Variants in KIAA0513 observed in about 807,000 individuals in gnomAD.
The protein encoded by KIAA0513 is uncharacterized protein KIAA0513.
In KIAA0513, 39 loss-of-function variants were observed where a neutral mutation model predicts 56.5. That is an observed-to-expected ratio of 0.69 (90% CI 0.53 to 0.90). The LOEUF is 0.90. Ranked by LOEUF, KIAA0513 falls within the 40% of genes least tolerant of loss-of-function variation. The pLI, the probability that KIAA0513 is intolerant of heterozygous loss-of-function variation, is 0.00. For synonymous variants in KIAA0513, 268 were observed against 215.6 expected, an observed-to-expected ratio of 1.24 and a Z score of -2.13; for missense variants, 591 against 535.2, an observed-to-expected ratio of 1.10 and a Z score of -1.03.
At position 85,088,272 on chromosome 16, in the gene KIAA0513, C is replaced by T. The variant is rs762766264; in HGVS notation, c.1187-4C>T. The T allele has an allele frequency of 1.2e-6, 2 of 1,612,350 alleles. No homozygotes were observed. The highest frequency in any genetic ancestry group is 8.5e-7 in the Non-Finnish European group (1 of 1,179,512). ...CTGAGAAATAACATCACTTTCTCTT[C>T]CAGAGCAATACAAGCTGCTTAGTGA... On this transcript the variant is annotated splice_polypyrimidine_tract_variant and splice_region_variant and intron_variant, in intron 12 of 12. Coordinates refer to ENST00000683363, the MANE Select transcript of KIAA0513 (RefSeq NM_001388359.1).
chr16:85,063,890 A>G (rs2073441306), intron 1 of KIAA0513, among the ~76,000 whole-genome samples: 1 of 152,066 alleles, frequency 6.6e-6, no homozygotes, highest in Non-Finnish European at 1.5e-5. Context: ...TGGCTGACCG[A>G]AGAATATTCT....
intron 1 of KIAA0513, among the ~76,000 whole-genome samples, chr16:85,059,769 A>C (rs2073378318): frequency 6.6e-6 from 1 of 152,212 alleles, no homozygotes; most frequent in Non-Finnish European, 1.5e-5. Flanking sequence ...GAAGATCTTC[A>C]GCTTCGCCCT....
chr16:85,087,232 C>T (rs939448209), intron 12 of KIAA0513, 66 bp downstream of exon 12: 28 of 1,312,540 alleles, frequency 2.1e-5, no homozygotes, highest in Middle Eastern at 1.8e-4. Flanking sequence ...GTGCTGTGCC[C>T]GCTGGCGCTT....
chr16:85,075,989 C>A (rs1436856219), intron 5 of KIAA0513, 75 bp downstream of exon 5: 14 of 1,234,224 alleles, frequency 1.1e-5, no homozygotes, highest in Admixed American at 3.4e-5. Flanking sequence ...AGGAAGCTTT[C>A]TTCATGATAA....
chr16:85,067,663 C>CA (rs1321980841), intron 2 of KIAA0513, among the ~76,000 whole-genome samples: 5 of 152,176 alleles, frequency 3.3e-5, no homozygotes, highest in Admixed American at 6.5e-5. Flanking sequence ...GGCCCAGCAT[C>CA]AAAGTATGTG....
rs1011673799 is a variant in KIAA0513, at chr16:85,076,539, C to T, written c.574+625C>T. 4.6e-5 allele frequency among the ~76,000 whole-genome samples: 7 copies of T among 152,296 alleles called. No individual in the cohort carries two copies. The highest frequency in any genetic ancestry group is 2.1e-4 in the South Asian group (1 of 4,832). ...GGTGGGAGGTTGCTGGAAGCCTCCT[C>T]GTGGACTGGAGCTAGGTCAGGGAGG... is the stretch of plus-strand genomic sequence containing the variant. On this transcript the variant is annotated intron_variant, in intron 5 of 12. Coordinates refer to ENST00000683363, the MANE Select transcript of KIAA0513 (RefSeq NM_001388359.1). The surrounding 1 kb of genome is among the most constrained non-coding windows in gnomAD (Gnocchi z 4.7).
intron 1 of KIAA0513, among the ~76,000 whole-genome samples, chr16:85,028,093 G>C (rs900411684): frequency 2.6e-5 from 4 of 152,164 alleles, no homozygotes; most frequent in African/African-American, 9.6e-5. Context: ...GAGGCAAAGG[G>C]AATAGGGGAA....
chr16:85,069,179 C>T (rs2073534789), intron 2 of KIAA0513, among the ~76,000 whole-genome samples: 1 of 151,846 alleles, frequency 6.6e-6, no homozygotes, highest in African/African-American at 2.4e-5. Context: ...TATAGGTACA[C>T]ACCACCATGC....
intron 1 of KIAA0513, among the ~76,000 whole-genome samples, chr16:85,028,775 A>G (rs941718645): frequency 6.6e-6 from 1 of 152,168 alleles, no homozygotes. Context: ...CCCAGCCTCC[A>G]GATTGAGCAG....
chr16:85,079,938 A>C (rs1382402860), intron 8 of KIAA0513, among the ~76,000 whole-genome samples: 1 of 152,162 alleles, frequency 6.6e-6, no homozygotes, highest in Non-Finnish European at 1.5e-5. Flanking sequence ...ATCTCTCTGA[A>C]GCCTCTCCTC....
intron 10 of KIAA0513, among the ~76,000 whole-genome samples, chr16:85,085,994 A>AT (rs1243195232): frequency 1.3e-5 from 2 of 152,110 alleles, no homozygotes; most frequent in Non-Finnish European, 2.9e-5. Flanking sequence ...TTATTTAGGG[A>AT]GGGGACTAGA....
At chr16:85,053,849 G>A (rs1352362786) in intron 1 of KIAA0513, among the ~76,000 whole-genome samples, 1 of 152,106 alleles carries the variant, frequency 6.6e-6, no homozygotes, top group Non-Finnish European at 1.5e-5. Context: ...AAAATTAGCT[G>A]GGCATGGTGG....
At chr16:85,074,546 T>A (rs1277193224) in intron 4 of KIAA0513, among the ~76,000 whole-genome samples, 2 of 152,164 alleles carry the variant, frequency 1.3e-5, no homozygotes, top group Non-Finnish European at 2.9e-5. Context: ...CTCTTTGAAC[T>A]TGGGCATATA....
intron 1 of KIAA0513, among the ~76,000 whole-genome samples, chr16:85,046,763 T>C (rs976100901): frequency 2.0e-5 from 3 of 152,226 alleles, no homozygotes; most frequent in Non-Finnish European, 4.4e-5. Flanking sequence ...TTACTGTATG[T>C]TTAGTTCGAA....
At chr16:85,083,027 C>T (rs192417503) in intron 10 of KIAA0513, among the ~76,000 whole-genome samples, 17 of 152,346 alleles carry the variant, frequency 1.1e-4, no homozygotes, top group Middle Eastern at 6.8e-3. Flanking sequence ...AAGTGGGTCC[C>T]GGCTCATCTG....
intron 1 of KIAA0513, among the ~76,000 whole-genome samples, chr16:85,042,442 C>T (rs980826405): frequency 6.6e-6 from 1 of 152,120 alleles, no homozygotes; most frequent in African/African-American, 2.4e-5. Flanking sequence ...GGGGCAGGGT[C>T]CTTGTCCATA....
rs1272436768 is a variant in KIAA0513 at position 85,093,079 on chromosome 16, T to C, written c.*4754T>C. 2.0e-5 allele frequency: 3 copies of C among 152,270 alleles called. No individual in the cohort carries two copies. The highest frequency in any genetic ancestry group is 4.4e-5 in the Non-Finnish European group (3 of 68,208). 9.4% of individuals were successfully genotyped at this position (152,270 alleles called of 1,614,324 possible). On this transcript the variant is annotated 3_prime_UTR_variant, in exon 13 of 13. Coordinates refer to ENST00000683363, the MANE Select transcript of KIAA0513 (RefSeq NM_001388359.1). Reference sequence around the variant, plus strand: ...CCTGTGACCGATGGGCTCGCAAGGATGGGTGCCGCCGTGGGAGCCCTGCCT... The same window carrying C: ...CCTGTGACCGATGGGCTCGCAAGGACGGGTGCCGCCGTGGGAGCCCTGCCT...
At chr16:85,057,696 C>T (rs1464787024) in intron 1 of KIAA0513, among the ~76,000 whole-genome samples, 1 of 152,064 alleles carries the variant, frequency 6.6e-6, no homozygotes, top group Non-Finnish European at 1.5e-5. Context: ...GGCAGTCAGC[C>T]AGAGCTAGCC....
At chr16:85,078,603 C>T (rs961249748) in intron 7 of KIAA0513, 148 bp downstream of exon 7, 14 of 748,146 alleles carry the variant, frequency 1.9e-5, no homozygotes, top group South Asian at 6.8e-5. Flanking sequence ...TCCCAGCTCC[C>T]GTGGTTGTAT....
Sources: allele counts gnomAD v4.1 joint callset (sites outside exome capture counted in the v4.1 genomes callset), GRCh38; gene constraint gnomAD v4.1.1; non-coding constraint Gnocchi (gnomAD v3.1); transcripts MANE v1.5; gene names NCBI Gene and HGNC (gene_info 2026-07-23, HGNC 2026-07-21).